ADAMTS17: variants seen among roughly 807,000 people sequenced by gnomAD.
ADAMTS17 encodes A disintegrin and metalloproteinase with thrombospondin motifs 17.
In ADAMTS17, 113 loss-of-function variants were observed where a neutral mutation model predicts 141.5. That is an observed-to-expected ratio of 0.80 (90% confidence interval 0.69 to 0.93). ADAMTS17 has a LOEUF of 0.93. Ranked by LOEUF, ADAMTS17 falls within the 40% of genes least tolerant of loss-of-function variation. The pLI is 0.00. For missense variants in ADAMTS17, 1,659 were observed against 1,517.9 expected (o/e 1.09, Z -1.54); for synonymous variants, 768 against 630.6 (o/e 1.22, Z -3.27).
At chr15:100,168,971 T>C (rs1596171346) in intron 8 of ADAMTS17, among the ~76,000 whole-genome samples, 1 of 152,352 alleles carries the variant, frequency 6.6e-6, no homozygotes, top group East Asian at 1.9e-4. Flanking sequence ...GCGACTATAA[T>C]GGCAGATGTG....
intron 20 of ADAMTS17, among the ~76,000 whole-genome samples, chr15:99,978,000 G>C (rs2060401660): frequency 6.6e-6 from 1 of 152,222 alleles, no homozygotes; most frequent in African/African-American, 2.4e-5. Context: ...ACCTGGGGTG[G>C]AGAGAGGGGA....
At chr15:99,991,753 CA>C (rs995147208) in intron 20 of ADAMTS17, among the ~76,000 whole-genome samples, 7 of 152,238 alleles carry the variant, frequency 4.6e-5, no homozygotes, top group African/African-American at 7.2e-5. Context: ...TTGACAATAG[CA>C]AAGACTTGGA....
At chr15:100,156,684 C>G (rs1035282192) in intron 8 of ADAMTS17, among the ~76,000 whole-genome samples, 3 of 152,184 alleles carry the variant, frequency 2.0e-5, no homozygotes, top group African/African-American at 7.2e-5. Flanking sequence ...CTCATGAAAA[C>G]AGATTTAGCC....
Position 100,054,006 on chromosome 15 carries a change from T to G in ADAMTS17, c.2186A>C (p.Glu729Ala). Reference sequence around the variant, plus strand: ...TGCAATCTGGAACTCTCCGGGGAGCTCTATCTTCCAGTCACTGTTGATGGA... The same window carrying G: ...TGCAATCTGGAACTCTCCGGGGAGCGCTATCTTCCAGTCACTGTTGATGGA... ...KGSINSDWKIELPGEFQIAGT... is the reference protein window; with the variant it reads ...KGSINSDWKIALPGEFQIAGT... The change falls in exon 16 of 22, where the codon GAG becomes GCG. Residue 729 changes from glutamate (E) to alanine (A), a missense_variant. Transcript: ENST00000268070. 6.2e-7 allele frequency: 1 copy of G among 1,614,194 alleles called. No individual in the cohort carries two copies.
At chr15:100,270,692 G>A (rs2043875915) in intron 4 of ADAMTS17, among the ~76,000 whole-genome samples, 1 of 151,122 alleles carries the variant, frequency 6.6e-6, no homozygotes, top group East Asian at 2.0e-4. Context: ...ACCTTGATGA[G>A]CTTATGGATA....
intron 3 of ADAMTS17, among the ~76,000 whole-genome samples, chr15:100,311,601 A>T (rs1029366497): frequency 3.9e-5 from 6 of 152,222 alleles, no homozygotes; most frequent in Non-Finnish European, 5.9e-5. Flanking sequence ...GGAAGAGCCG[A>T]CACCACTTCT....
At chr15:100,293,082 A>C (rs1191286137) in intron 3 of ADAMTS17, among the ~76,000 whole-genome samples, 1 of 152,216 alleles carries the variant, frequency 6.6e-6, no homozygotes, top group Non-Finnish European at 1.5e-5. Context: ...TAAAATACTC[A>C]TCAAAGGGAA....
intron 7 of ADAMTS17, among the ~76,000 whole-genome samples, chr15:100,238,071 C>G (rs901527932): frequency 6.6e-6 from 1 of 152,206 alleles, no homozygotes; most frequent in Non-Finnish European, 1.5e-5. Context: ...TGTGGGACAG[C>G]CACTCACCCT....
intron 4 of ADAMTS17, among the ~76,000 whole-genome samples, chr15:100,269,896 C>G (rs1406275356): frequency 6.6e-6 from 1 of 152,212 alleles, no homozygotes; most frequent in Non-Finnish European, 1.5e-5. Flanking sequence ...GATTCCTTTT[C>G]TACTTCAGCC....
At chr15:100,036,103 TG>T (rs2030684158) in intron 18 of ADAMTS17, among the ~76,000 whole-genome samples, 1 of 152,188 alleles carries the variant, frequency 6.6e-6, no homozygotes, top group Non-Finnish European at 1.5e-5. Flanking sequence ...AGATGATGGC[TG>T]GCCCAGGGAG....
chr15:100,189,812 G>A (rs950976121), intron 8 of ADAMTS17, among the ~76,000 whole-genome samples: 6 of 152,244 alleles, frequency 3.9e-5, no homozygotes, highest in East Asian at 3.9e-4. Context: ...CAATCCACCC[G>A]AATGCAATCT....
intron 20 of ADAMTS17, among the ~76,000 whole-genome samples, chr15:99,991,405 T>C (rs1287519099): frequency 6.6e-6 from 1 of 151,942 alleles, no homozygotes; most frequent in Non-Finnish European, 1.5e-5. Flanking sequence ...ATGCAGCCAA[T>C]AAACATATGA....
intron 8 of ADAMTS17, among the ~76,000 whole-genome samples, chr15:100,156,968 G>C (rs1596131961): frequency 6.6e-6 from 1 of 152,214 alleles, no homozygotes; most frequent in Non-Finnish European, 1.5e-5. Context: ...AAGGAAAGAG[G>C]TTTAACTGAC....
At chr15:100,169,342 G>C (rs935312380) in intron 8 of ADAMTS17, among the ~76,000 whole-genome samples, 1 of 152,200 alleles carries the variant, frequency 6.6e-6, no homozygotes, top group Non-Finnish European at 1.5e-5. Flanking sequence ...ATGGGATGCT[G>C]AGAGTGGGAA....
At chr15:100,341,569 G>A (rs1429439463) in intron 1 of ADAMTS17, among the ~76,000 whole-genome samples, 160 bp from the exon 2 acceptor site, 1 of 149,312 alleles carries the variant, frequency 6.7e-6, no homozygotes, top group Non-Finnish European at 1.5e-5. Context: ...GCGCCACCCG[G>A]GGAGGGTCTC....
At chr15:100,113,131 C>T (rs72770214) in intron 13 of ADAMTS17, among the ~76,000 whole-genome samples, 2 of 152,246 alleles carry the variant, frequency 1.3e-5, no homozygotes, top group Non-Finnish European at 1.5e-5. Flanking sequence ...CAGGCCTCTG[C>T]GGATTTTACC....
chr15:100,206,788 G>A lies in ADAMTS17; in HGVS notation c.1076-7365C>T, dbSNP rs139726218. 1.5e-3 allele frequency among the ~76,000 whole-genome samples: 222 copies of A among 152,258 alleles called. 1 individual carries two copies. The highest frequency in any genetic ancestry group is 4.3e-3 in the African/African-American group (180 of 41,556). ...AATCTCCCTTCAGAGATTCAAATGCGACCTGGAAGGAGGGGCACATTCCTG... is the reference window on the plus strand; with the variant it reads ...AATCTCCCTTCAGAGATTCAAATGCAACCTGGAAGGAGGGGCACATTCCTG... On this transcript the variant is annotated intron_variant, in intron 7 of 21. Coordinates refer to ENST00000268070, the MANE Select transcript of ADAMTS17 (RefSeq NM_139057.4).
chr15:100,085,415 C>G (rs955036541), intron 15 of ADAMTS17, among the ~76,000 whole-genome samples: 5 of 142,104 alleles, frequency 3.5e-5, no homozygotes, highest in Non-Finnish European at 7.4e-5. Flanking sequence ...TTGGAAAACA[C>G]TCTGCAGGAT....
At chr15:100,037,561 A>G (rs2030860249) in intron 18 of ADAMTS17, among the ~76,000 whole-genome samples, 1 of 151,966 alleles carries the variant, frequency 6.6e-6, no homozygotes, top group African/African-American at 2.4e-5. Context: ...GACATGCACC[A>G]CCACACCCAA....
Sources: gnomAD v4.1 joint callset for allele counts (sites outside exome capture counted in the v4.1 genomes callset) on GRCh38, gnomAD v4.1.1 for gene constraint, MANE v1.5 for transcripts, NCBI Gene and HGNC (gene_info 2026-07-23, HGNC 2026-07-21) for gene names.